GRM1: variants seen among roughly 807,000 people sequenced by gnomAD.
GRM1 encodes the protein glutamate metabotropic receptor 1, also known as metabotropic glutamate receptor 1.
GRM1 carries 33 observed loss-of-function variants against 90.9 expected under a neutral mutation model. The ratio of observed to expected loss-of-function variants is 0.36; its 90% CI spans 0.28 to 0.49. The LOEUF (loss-of-function observed/expected upper bound fraction) is 0.49, where lower values mean the gene tolerates loss of function less well. GRM1 is among the 20% of genes least tolerant of loss of function. The pLI is 0.99. For missense variants in GRM1, 1,190 were observed against 1,534.3 expected (o/e 0.78, Z 3.75); for synonymous variants, 700 against 613.2 (o/e 1.14, Z -2.09).
At position 146,405,385 on chromosome 6, in the gene GRM1, G is replaced by T. The variant is rs930328493; in HGVS notation, c.2660+5686G>T. 2.0e-4 allele frequency among the ~76,000 whole-genome samples: 30 copies of T among 152,138 alleles called. 1 individual carries two copies. Among genetic ancestry groups the T allele is most frequent in the Admixed American group, 2.0e-3 (30 of 15,280 alleles). Reference sequence around the variant, plus strand: ...GGAAAATCTGAAGGCAGTAGACAAAGGTTATCAAAAAGAATGTGGGAAATA... The same window carrying T: ...GGAAAATCTGAAGGCAGTAGACAAATGTTATCAAAAAGAATGTGGGAAATA... On this transcript the variant is annotated intron_variant, in intron 7 of 7. Transcript: ENST00000282753.
intron 5 of GRM1, among the ~76,000 whole-genome samples, chr6:146,358,242 G>T (rs1440080072): frequency 6.6e-6 from 1 of 152,060 alleles, no homozygotes; most frequent in Non-Finnish European, 1.5e-5. Flanking sequence ...TGGAGGGTGG[G>T]TGGGGCAAGT....
intron 1 of GRM1, among the ~76,000 whole-genome samples, chr6:146,139,051 T>C (rs1024236162): frequency 1.3e-5 from 2 of 152,114 alleles, no homozygotes; most frequent in Admixed American, 6.5e-5. Context: ...TCGAGAAATT[T>C]TTCAATTTTC....
Position 146,223,352 on chromosome 6 carries a change from C to T in GRM1, c.950+63755C>T, listed in dbSNP as rs572447538. On this transcript the variant is annotated intron_variant, in intron 2 of 7. Coordinates refer to ENST00000282753, the MANE Select transcript of GRM1 (RefSeq NM_001278064.2). ...ATGTCCTGATTTTATCCTTCAGAGCCCTTGCTTCTTGAAAAACACTCCAGG... is the reference window on the plus strand; with the variant it reads ...ATGTCCTGATTTTATCCTTCAGAGCTCTTGCTTCTTGAAAAACACTCCAGG... Among the ~76,000 whole-genome samples, 6 of 152,116 alleles carry T rather than the reference C, an allele frequency of 3.9e-5. No individual in the cohort carries two copies. In the East Asian group the frequency reaches 1.2e-3, roughly 29 times the overall value.
chr6:146,222,333 A>G (rs779855211), intron 2 of GRM1, among the ~76,000 whole-genome samples: 1 of 152,170 alleles, frequency 6.6e-6, no homozygotes, highest in African/African-American at 2.4e-5. Context: ...AAAGACATAC[A>G]TGGTAAATGT....
intron 1 of GRM1, among the ~76,000 whole-genome samples, chr6:146,078,458 G>A (rs1776260441): frequency 6.6e-6 from 1 of 152,178 alleles, no homozygotes; most frequent in South Asian, 2.1e-4. Context: ...GCTAGAACTG[G>A]CATTTGGATA....
At chr6:146,165,021 C>G (rs1442229405) in intron 2 of GRM1, among the ~76,000 whole-genome samples, 1 of 151,526 alleles carries the variant, frequency 6.6e-6, no homozygotes, top group Non-Finnish European at 1.5e-5. Context: ...CTGTGATCTT[C>G]TCACTCATTA....
At chr6:146,355,663 A>AAAAC (rs968072839) in intron 4 of GRM1, among the ~76,000 whole-genome samples, 10 of 152,030 alleles carry the variant, frequency 6.6e-5, no homozygotes, top group African/African-American at 1.7e-4. Flanking sequence ...TCTAGATTGA[A>AAAAC]AAACAAACAA....
chr6:146,082,858 C>A (rs1776411159), intron 1 of GRM1, among the ~76,000 whole-genome samples: 1 of 152,166 alleles, frequency 6.6e-6, no homozygotes, highest in Non-Finnish European at 1.5e-5. Flanking sequence ...CTGATTCTTC[C>A]TATCCATGAG....
At chr6:146,052,350 G>A (rs1775322198) in intron 1 of GRM1, among the ~76,000 whole-genome samples, 1 of 151,846 alleles carries the variant, frequency 6.6e-6, no homozygotes, top group African/African-American at 2.4e-5. Context: ...TGTCACTTCT[G>A]GCTGCTCATT....
At chr6:146,058,551 G>A (rs1197883486) in intron 1 of GRM1, among the ~76,000 whole-genome samples, 1 of 152,084 alleles carries the variant, frequency 6.6e-6, no homozygotes, top group Non-Finnish European at 1.5e-5. Context: ...GACTAATCAG[G>A]GTGGTTGTTG....
chr6:146,043,783 A>T (rs1791203474), intron 1 of GRM1, among the ~76,000 whole-genome samples: 1 of 63,176 alleles, frequency 1.6e-5, no homozygotes, highest in Non-Finnish European at 2.7e-5. Flanking sequence ...GAGTCAGGTG[A>T]TATATATATA....
In GRM1 at chr6:146,265,800, T is replaced by A. The variant is rs146350650; in HGVS notation, c.951-38811T>A. On this transcript the variant is annotated intron_variant, in intron 2 of 7. Transcript: ENST00000282753. ...AATAGGGCATCCTTTGCCCATTGTT[T>A]ATTTTTGTCAACCATCATTGTATGT... 5.3e-3 allele frequency among the ~76,000 whole-genome samples: 815 copies of A among 152,340 alleles called. 9 individuals are homozygous for A. Among genetic ancestry groups the A allele is most frequent in the African/African-American group, 0.019 (780 of 41,580 alleles).
chr6:146,086,856 C>T (rs1372076029), intron 1 of GRM1, among the ~76,000 whole-genome samples: 1 of 151,904 alleles, frequency 6.6e-6, no homozygotes, highest in Admixed American at 6.6e-5. Flanking sequence ...TATGTCTAGC[C>T]TCGTGATCAA....
intron 5 of GRM1, among the ~76,000 whole-genome samples, chr6:146,384,682 G>C (rs73785352): frequency 0.03 from 4,622 of 152,020 alleles, 242 homozygotes; most frequent in African/African-American, 0.11. Context: ...AATAGAAACA[G>C]TTCCAGAAAT....
At chr6:146,377,438 C>A (rs539688625) in intron 5 of GRM1, among the ~76,000 whole-genome samples, 14 of 152,166 alleles carry the variant, frequency 9.2e-5, no homozygotes, top group Non-Finnish European at 1.5e-4. Context: ...TTTTGCTATA[C>A]AAAGAGACTG....
intron 1 of GRM1, among the ~76,000 whole-genome samples, chr6:146,108,005 T>G (rs1775386121): frequency 6.6e-6 from 1 of 152,194 alleles, no homozygotes; most frequent in African/African-American, 2.4e-5. Flanking sequence ...TTCAGAGAGA[T>G]TTACATTTTT....
At position 146,270,853 on chromosome 6, in the gene GRM1, CTTTCTTTCTT is replaced by C. The variant is rs1562570995; in HGVS notation, c.951-33756_951-33747del. ...TGCCTGCCTGCCTTTCTTTCTTTTT[CTTTCTTTCTT>C]TCTTTCTTTCTTTCTTTCTTTCTTT... On this transcript the variant is annotated intron_variant, in intron 2 of 7. Transcript: ENST00000282753. Among the ~76,000 whole-genome samples, 157 of 41,438 alleles carry C rather than the reference CTTTCTTTCTT, an allele frequency of 3.8e-3. 1 individual carries two copies. The highest frequency in any genetic ancestry group is 0.012 in the African/African-American group (142 of 11,718). The allele number at this position is 41,438 out of a possible 152,430, so 27.2% of individuals were successfully genotyped here. A position where few individuals can be genotyped will look rare whatever the true frequency, so the allele number is the denominator to read the frequency against.
At chr6:146,227,046 A>C (rs1780264361) in intron 2 of GRM1, among the ~76,000 whole-genome samples, 1 of 152,142 alleles carries the variant, frequency 6.6e-6, no homozygotes, top group Non-Finnish European at 1.5e-5. Context: ...TCAGTGTTTT[A>C]TTAATTTTAT....
intron 5 of GRM1, among the ~76,000 whole-genome samples, chr6:146,367,103 T>A (rs1449189182): frequency 6.6e-6 from 1 of 152,182 alleles, no homozygotes; most frequent in African/African-American, 2.4e-5. Context: ...GGGTTTAGTT[T>A]TTTTTTCTTC....
Sources: gnomAD v4.1 joint callset for allele counts (sites outside exome capture counted in the v4.1 genomes callset) on GRCh38, gnomAD v4.1.1 for gene constraint, MANE v1.5 for transcripts, NCBI Gene and HGNC (gene_info 2026-07-23, HGNC 2026-07-21) for gene names.